The following TCF7L2 variants were observed in gnomAD, a reference collection of about 807,000 sequenced individuals.
The protein encoded by TCF7L2 is transcription factor 7 like 2, also known as transcription factor 7-like 2.
A neutral mutation model predicts 77.9 loss-of-function variants in TCF7L2; 23 were observed. That is an observed-to-expected ratio of 0.30 (90% confidence interval 0.21 to 0.42). The LOEUF (loss-of-function observed/expected upper bound fraction) is 0.42. Ranked by LOEUF, TCF7L2 falls within the 10% of genes least tolerant of loss-of-function variation. TCF7L2 has a pLI of 1.00. For synonymous variants in TCF7L2, 413 were observed against 340.2 expected, an observed-to-expected ratio of 1.21 and a Z score of -2.36; for missense variants, 654 against 793.1, an observed-to-expected ratio of 0.82 and a Z score of 2.11.
chr10:113,009,663 T>C (rs1381472891), intron 4 of TCF7L2, among the ~76,000 whole-genome samples: 1 of 152,224 alleles, frequency 6.6e-6, no homozygotes, highest in Non-Finnish European at 1.5e-5. Context: ...GATGCTCACA[T>C]GACGTCCCTG....
At chr10:112,958,446 T>A (rs2034240814) in intron 3 of TCF7L2, among the ~76,000 whole-genome samples, 1 of 152,076 alleles carries the variant, frequency 6.6e-6, no homozygotes, top group Non-Finnish European at 1.5e-5. Context: ...GGAGTCCCTC[T>A]CTTGCAGTCT....
At chr10:112,979,190 A>T (rs1476573388) in intron 4 of TCF7L2, among the ~76,000 whole-genome samples, 2 of 152,164 alleles carry the variant, frequency 1.3e-5, no homozygotes, top group African/African-American at 4.8e-5. Flanking sequence ...ACTGGAGTGC[A>T]TAAGGAGCTT....
At chr10:113,124,974 A>G (rs2065346032) in intron 5 of TCF7L2, among the ~76,000 whole-genome samples, 1 of 152,158 alleles carries the variant, frequency 6.6e-6, no homozygotes, top group Non-Finnish European at 1.5e-5. Flanking sequence ...TGTTTATGAC[A>G]GAAAGATGTC....
At chr10:113,143,301 T>G (rs903389211) in intron 6 of TCF7L2, among the ~76,000 whole-genome samples, 1 of 152,262 alleles carries the variant, frequency 6.6e-6, no homozygotes, top group African/African-American at 2.4e-5. Flanking sequence ...AGTTCCAGAA[T>G]GGAGTACACA....
intron 5 of TCF7L2, among the ~76,000 whole-genome samples, chr10:113,074,265 A>C (rs893531826): frequency 3.4e-4 from 51 of 152,148 alleles, no homozygotes; most frequent in African/African-American, 1.2e-3. Flanking sequence ...ATCAGAGATA[A>C]AAATATCATT....
rs2070731977 is a variant in TCF7L2, at chr10:113,151,399, A to G, written c.1001+276A>G. Among the ~76,000 whole-genome samples the G allele has an allele frequency of 6.6e-6, 1 of 152,096 alleles. No individual in the cohort carries two copies. ...AACCACTTCCCTGCCCCCTAACCGC[A>G]TCATTGAACATTTAGAGCTTTGTTC... is the stretch of plus-strand genomic sequence containing the variant. On this transcript the variant is annotated intron_variant, in intron 9 of 13. Coordinates refer to ENST00000627217, the MANE Select transcript of TCF7L2 (RefSeq NM_001146274.2). This position sits in a 1 kb window ranked among gnomAD's most constrained non-coding sequence, Gnocchi z 5.2.
chr10:113,101,841 T>TAAAAAAAAAAA (rs1564895980), intron 5 of TCF7L2, among the ~76,000 whole-genome samples: 31 of 5,646 alleles, frequency 5.5e-3, no homozygotes, highest in East Asian at 0.054. Flanking sequence ...AGACTCCGTC[T>TAAAAAAAAAAA]CAAAAAAAAA....
chr10:112,966,088 T>C (rs2036699865), intron 4 of TCF7L2, among the ~76,000 whole-genome samples: 1 of 150,540 alleles, frequency 6.6e-6, no homozygotes, highest in Non-Finnish European at 1.5e-5. Flanking sequence ...GGCAGGAGAA[T>C]CACTTGAACC....
chr10:113,141,100 A>G, intron 5 of TCF7L2, 84 bp from the exon 6 acceptor site: 1 of 1,563,000 alleles, frequency 6.4e-7, no homozygotes, highest in South Asian at 1.2e-5. Context: ...GCTGTGGCCA[A>G]GGGAACCCAC....
chr10:113,140,987 C>T (rs1455360218), intron 5 of TCF7L2, among the ~76,000 whole-genome samples, 197 bp from the exon 6 acceptor site: 1 of 152,112 alleles, frequency 6.6e-6, no homozygotes, highest in Non-Finnish European at 1.5e-5. Flanking sequence ...CTAAAGCAGA[C>T]CCACCCAGAG....
chr10:113,140,698 G>A (rs1287728697), intron 5 of TCF7L2, among the ~76,000 whole-genome samples: 2 of 152,152 alleles, frequency 1.3e-5, no homozygotes, highest in African/African-American at 2.4e-5. Context: ...AGCTGTCGGG[G>A]GGTGGCTAAG....
chr10:113,163,856 T>C (rs1180609472), intron 13 of TCF7L2, among the ~76,000 whole-genome samples: 3 of 152,138 alleles, frequency 2.0e-5, no homozygotes, highest in Non-Finnish European at 4.4e-5. Flanking sequence ...TCCTGCCATC[T>C]TGCTGAGTCC....
chr10:113,016,882 G>A (rs975897942), intron 4 of TCF7L2, among the ~76,000 whole-genome samples: 6 of 152,156 alleles, frequency 3.9e-5, no homozygotes, highest in African/African-American at 1.4e-4. Context: ...GAGCACTCTC[G>A]TGTGCCCCTG....
At chr10:113,058,714 G>A (rs1224152878) in intron 5 of TCF7L2, among the ~76,000 whole-genome samples, 1 of 152,080 alleles carries the variant, frequency 6.6e-6, no homozygotes, top group Non-Finnish European at 1.5e-5. Flanking sequence ...GTGTGTGCGT[G>A]TGTGTGCGCT....
intron 5 of TCF7L2, among the ~76,000 whole-genome samples, chr10:113,087,439 C>G (rs1409421852): frequency 6.6e-6 from 1 of 152,224 alleles, no homozygotes; most frequent in Non-Finnish European, 1.5e-5. Context: ...GAGGGCTAAC[C>G]AAGTCACCTT....
intron 4 of TCF7L2, among the ~76,000 whole-genome samples, chr10:112,989,768 T>TG (rs1255108832): frequency 1.3e-5 from 2 of 152,122 alleles, no homozygotes; most frequent in Non-Finnish European, 1.5e-5. Context: ...TGGACCAAGG[T>TG]GGGGTAGATG....
chr10:113,157,800 C>T (rs1461882786), intron 11 of TCF7L2: 9 of 505,420 alleles, frequency 1.8e-5, no homozygotes, highest in Non-Finnish European at 3.2e-5. Context: ...ACCCGCCAAT[C>T]CCTTCTCTGC....
intron 5 of TCF7L2, among the ~76,000 whole-genome samples, chr10:113,056,936 C>T (rs908675938): frequency 1.3e-5 from 2 of 152,214 alleles, no homozygotes; most frequent in African/African-American, 4.8e-5. Context: ...ATCTCCCAGA[C>T]TCTGCGTTTT....
intron 5 of TCF7L2, among the ~76,000 whole-genome samples, chr10:113,071,851 C>A (rs188054559): frequency 2.6e-5 from 4 of 152,208 alleles, no homozygotes; most frequent in African/African-American, 9.7e-5. Flanking sequence ...GACTCCCCCC[C>A]ACCCCCCATG....
Sources: allele counts gnomAD v4.1 joint callset (sites outside exome capture counted in the v4.1 genomes callset), GRCh38; gene constraint gnomAD v4.1.1; non-coding constraint Gnocchi (gnomAD v3.1); transcripts MANE v1.5; gene names NCBI Gene and HGNC (gene_info 2026-07-23, HGNC 2026-07-21).